The following GUCY1A2 variants were observed in gnomAD, a reference collection of about 807,000 sequenced individuals.
The protein encoded by GUCY1A2 is guanylate cyclase soluble subunit alpha-2.
A neutral mutation model predicts 63.5 loss-of-function variants in GUCY1A2; 27 were observed. The ratio of observed to expected loss-of-function variants is 0.43; its 90% CI spans 0.31 to 0.59. GUCY1A2 has a LOEUF of 0.59. GUCY1A2 is among the 20% of genes least tolerant of loss of function. The pLI, the probability that GUCY1A2 is intolerant of heterozygous loss-of-function variation, is 0.11. For synonymous variants in GUCY1A2, 364 were observed against 343.5 expected (o/e 1.06, Z -0.66); for missense variants, 768 against 913.3 (o/e 0.84, Z 2.05).
At chr11:106,944,119 G>C (rs1195116351) in intron 3 of GUCY1A2, among the ~76,000 whole-genome samples, 7 of 149,092 alleles carry the variant, frequency 4.7e-5, no homozygotes, top group African/African-American at 1.7e-4. Flanking sequence ...GGAGGCTGAG[G>C]TGGGAGAATC....
intron 4 of GUCY1A2, among the ~76,000 whole-genome samples, chr11:106,831,233 T>C (rs1859046363): frequency 6.6e-6 from 1 of 152,202 alleles, no homozygotes; most frequent in African/African-American, 2.4e-5. Context: ...AAGGTTGACT[T>C]TGCACTAGCA....
chr11:107,002,009 ACT>A (rs1016688726), intron 1 of GUCY1A2, among the ~76,000 whole-genome samples: 2 of 149,664 alleles, frequency 1.3e-5, no homozygotes, highest in Non-Finnish European at 3.0e-5. Context: ...ACAGAGTGAG[ACT>A]CTGTCTCAAA....
At chr11:106,805,693 C>T (rs563167098) in intron 5 of GUCY1A2, among the ~76,000 whole-genome samples, 1 of 152,110 alleles carries the variant, frequency 6.6e-6, no homozygotes, top group Non-Finnish European at 1.5e-5. Context: ...ATGCCACTTT[C>T]CATAGGAGGA....
intron 5 of GUCY1A2, among the ~76,000 whole-genome samples, chr11:106,801,117 T>G (rs2135418884): frequency 6.6e-6 from 1 of 152,260 alleles, no homozygotes; most frequent in South Asian, 2.1e-4. Context: ...GAATAAGTAT[T>G]TATGATATCC....
chr11:106,877,209 G>A (rs1859762036), intron 4 of GUCY1A2, among the ~76,000 whole-genome samples: 2 of 152,104 alleles, frequency 1.3e-5, no homozygotes, highest in South Asian at 4.1e-4. Flanking sequence ...ATCATCATAA[G>A]GAGCTTTGGG....
rs1864120177 is a variant in GUCY1A2 at position 106,764,308 on chromosome 11, T to C, written c.1836+12131A>G. On this transcript the variant is annotated intron_variant, in intron 6 of 7. Transcript: ENST00000526355. ...AGGAAAATTAAAGTTATTAGCTTAGTCATAAGATTAGAAATCATATTAATA... is the reference window on the plus strand; with the variant it reads ...AGGAAAATTAAAGTTATTAGCTTAGCCATAAGATTAGAAATCATATTAATA... Among the ~76,000 whole-genome samples, 4 of 152,124 alleles carry C rather than the reference T, an allele frequency of 2.6e-5. 1 individual carries two copies. The South Asian group carries it at 8.3e-4, about 31-fold the overall frequency.
rs551841652 is a variant in GUCY1A2 at position 106,809,021 on chromosome 11, A to C, written c.1692+972T>G. On this transcript the variant is annotated intron_variant, in intron 5 of 7. Transcript: ENST00000526355. ...ATTTAACATTGGCTACATAGTCTAC[A>C]TAATGAAACTAAAGAGCTCATTTCC... Among the ~76,000 whole-genome samples the C allele has an allele frequency of 5.9e-4, 90 of 152,294 alleles. No individual in the cohort carries two copies. In the South Asian group the frequency reaches 0.013, roughly 22 times the overall value.
At chr11:106,877,109 G>GA (rs1859760808) in intron 4 of GUCY1A2, among the ~76,000 whole-genome samples, 1 of 152,048 alleles carries the variant, frequency 6.6e-6, no homozygotes, top group African/African-American at 2.4e-5. Context: ...AAGGGTTCCT[G>GA]ATTTGGCTTT....
In GUCY1A2 at chr11:106,692,713, C is replaced by T. The variant is rs115335892; in HGVS notation, c.1992-4957G>A. On this transcript the variant is annotated intron_variant, in intron 7 of 7. Coordinates refer to ENST00000526355, the MANE Select transcript of GUCY1A2 (RefSeq NM_000855.3). ...TCAACAGGTAATCATTAAGTGCCTT[C>T]TGTGAGCTAGGCCTGAACCGATACT... Among the ~76,000 whole-genome samples the T allele has an allele frequency of 1.8e-3, 268 of 152,288 alleles. 1 individual carries two copies. The highest frequency in any genetic ancestry group is 5.9e-3 in the African/African-American group (246 of 41,560).
chr11:106,813,156 T>A (rs991548313), intron 4 of GUCY1A2, among the ~76,000 whole-genome samples: 1 of 152,042 alleles, frequency 6.6e-6, no homozygotes, highest in Admixed American at 6.6e-5. Context: ...TAAGGTTTTA[T>A]TGCATCTTAC....
intron 6 of GUCY1A2, among the ~76,000 whole-genome samples, chr11:106,757,860 G>A (rs1864000969): frequency 6.6e-6 from 1 of 152,220 alleles, no homozygotes; most frequent in African/African-American, 2.4e-5. Flanking sequence ...CAGTCTGTCT[G>A]TTAACAGAGC....
intron 1 of GUCY1A2, among the ~76,000 whole-genome samples, chr11:107,015,285 A>G (rs577556242): frequency 6.6e-6 from 1 of 152,278 alleles, no homozygotes; most frequent in African/African-American, 2.4e-5. Context: ...GAGCTGTTGC[A>G]TTTATTTGAT....
At chr11:106,935,356 T>G (rs1410246870) in intron 4 of GUCY1A2, among the ~76,000 whole-genome samples, 1 of 152,158 alleles carries the variant, frequency 6.6e-6, no homozygotes, top group Admixed American at 6.5e-5. Flanking sequence ...GGGTCAAAGA[T>G]GCTAAGAATT....
intron 4 of GUCY1A2, among the ~76,000 whole-genome samples, chr11:106,833,120 G>C (rs1314976628): frequency 6.6e-6 from 1 of 151,924 alleles, no homozygotes; most frequent in Non-Finnish European, 1.5e-5. Flanking sequence ...CATTCTCCCT[G>C]TGTTTGTGTC....
At chr11:106,906,357 C>A (rs954628543) in intron 4 of GUCY1A2, among the ~76,000 whole-genome samples, 14 of 152,164 alleles carry the variant, frequency 9.2e-5, no homozygotes, top group Admixed American at 4.6e-4. Flanking sequence ...CATCACTGGT[C>A]ATTAGAGCAA....
chr11:106,887,235 C>A (rs1859912505), intron 4 of GUCY1A2, among the ~76,000 whole-genome samples: 1 of 152,100 alleles, frequency 6.6e-6, no homozygotes, highest in Non-Finnish European at 1.5e-5. Flanking sequence ...ATCAGTTTTT[C>A]AAAACCTGCC....
chr11:106,982,974 T>G (rs984924433), intron 2 of GUCY1A2, among the ~76,000 whole-genome samples: 1 of 152,204 alleles, frequency 6.6e-6, no homozygotes, highest in Admixed American at 6.5e-5. Context: ...TGCCAGTTTC[T>G]TGAGCCCTAT....
intron 1 of GUCY1A2, among the ~76,000 whole-genome samples, chr11:107,013,954 C>T (rs973812115): frequency 3.4e-5 from 5 of 147,698 alleles, no homozygotes; most frequent in African/African-American, 9.7e-5. Context: ...ACAATACCTG[C>T]CACATAGATA....
chr11:106,824,656 T>C (rs145332891), intron 4 of GUCY1A2: 286,525 of 853,412 alleles, frequency 0.34, 50,208 homozygotes, highest in Admixed American at 0.47. Context: ...CATATTTGAA[T>C]AGAAATTTGT....
Sources: allele counts gnomAD v4.1 joint callset (sites outside exome capture counted in the v4.1 genomes callset), GRCh38; gene constraint gnomAD v4.1.1; transcripts MANE v1.5; gene names NCBI Gene and HGNC (gene_info 2026-07-23, HGNC 2026-07-21).